MYO18B: variants seen among roughly 807,000 people sequenced by gnomAD.
MYO18B encodes unconventional myosin-XVIIIb.
A neutral mutation model predicts 273.0 loss-of-function variants in MYO18B; 204 were observed. That is an observed-to-expected ratio of 0.75 (90% confidence interval 0.67 to 0.84). MYO18B has a LOEUF of 0.84. MYO18B is among the 40% of genes least tolerant of loss of function. The pLI is 0.00. For missense variants in MYO18B, 3,212 were observed against 3,287.6 expected (o/e 0.98, Z 0.56); for synonymous variants, 1,330 against 1,305.7 (o/e 1.02, Z -0.40).
At chr22:25,867,755 G>C (rs980569183) in intron 21 of MYO18B, among the ~76,000 whole-genome samples, 1 of 151,902 alleles carries the variant, frequency 6.6e-6, no homozygotes, top group Non-Finnish European at 1.5e-5. Flanking sequence ...TCAGCCTCCC[G>C]AGTAGCTGGG....
At chr22:25,874,168 A>G in intron 22 of MYO18B, 118 bp from the exon 23 acceptor site, 1 of 1,269,386 alleles carries the variant, frequency 7.9e-7, no homozygotes, top group Non-Finnish European at 1.1e-6. Flanking sequence ...TTAAAGGGCA[A>G]CTGCCAACAA....
At chr22:26,013,545 C>T (rs947132952) in intron 42 of MYO18B, among the ~76,000 whole-genome samples, 5 of 152,176 alleles carry the variant, frequency 3.3e-5, no homozygotes, top group Non-Finnish European at 5.9e-5. Flanking sequence ...AGATTTCTGT[C>T]GGGCGTATAC....
chr22:25,998,872 C>T (rs891393082), intron 40 of MYO18B, among the ~76,000 whole-genome samples: 1 of 152,148 alleles, frequency 6.6e-6, no homozygotes, highest in African/African-American at 2.4e-5. Context: ...CCATATAACA[C>T]CTGTTTAAAT....
rs777030980 is a variant in MYO18B, at chr22:25,902,620, C to T, written c.4831C>T (p.Leu1611=). ...GTGCTCTGCTTTGCACAGGTTTGAC[C>T]TGCAGCTGGCCCAGGCCCTAGGTGA... ...ELEKKQKKFD[L]QLAQALGESV... is the part of the protein sequence containing the mutation. The change falls in exon 30 of 44, where the codon CTG becomes TTG. Residue 1611 remains leucine, a synonymous_variant. Transcript: ENST00000335473. 6.2e-7 allele frequency: 1 copy of T among 1,606,876 alleles called. No homozygotes were observed. The highest frequency in any genetic ancestry group is 1.1e-5 in the South Asian group (1 of 89,056).
intron 12 of MYO18B, among the ~76,000 whole-genome samples, chr22:25,809,998 T>TA (rs200815599): frequency 0.092 from 12,872 of 139,918 alleles, 1,033 homozygotes; most frequent in East Asian, 0.23. Context: ...ATAGAAAGTT[T>TA]AAAAAAAAAA....
At chr22:25,819,752 A>G (rs2089194203) in intron 12 of MYO18B, among the ~76,000 whole-genome samples, 2 of 152,138 alleles carry the variant, frequency 1.3e-5, no homozygotes, top group Non-Finnish European at 2.9e-5. Context: ...GGCAAAAAAG[A>G]TGATATTTGA....
At chr22:26,022,270 G>GA (rs11448415) in intron 42 of MYO18B, among the ~76,000 whole-genome samples, 55,561 of 138,008 alleles carry the variant, frequency 0.4, 11,302 homozygotes, top group Non-Finnish European at 0.45. Context: ...AGGACAGCTA[G>GA]AAAAAAAAAA....
chr22:25,776,374 G>A (rs1218156103), intron 7 of MYO18B, among the ~76,000 whole-genome samples: 3 of 152,204 alleles, frequency 2.0e-5, no homozygotes, highest in African/African-American at 7.2e-5. Context: ...GAGGCTGGCG[G>A]ATCACTTGAG....
intron 21 of MYO18B, among the ~76,000 whole-genome samples, chr22:25,863,523 GTGGGACCACTGATATCTC>G (rs112971177): frequency 0.047 from 7,182 of 152,260 alleles, 230 homozygotes; most frequent in African/African-American, 0.083. Context: ...TCCTCATGGT[GTGGGACCACTGATATCTC>G]TGCCCAATTT....
chr22:25,989,065 C>A (rs989447326), intron 39 of MYO18B, among the ~76,000 whole-genome samples: 1 of 152,176 alleles, frequency 6.6e-6, no homozygotes, highest in Admixed American at 6.5e-5. Flanking sequence ...TCTCCTCTAC[C>A]CTCCAGGAAG....
chr22:25,812,867 C>A (rs1053506382), intron 12 of MYO18B, among the ~76,000 whole-genome samples: 1 of 152,124 alleles, frequency 6.6e-6, no homozygotes, highest in Non-Finnish European at 1.5e-5. Context: ...CAGGGTCACC[C>A]AATGAGGCTA....
Position 25,955,364 on chromosome 22 carries a change from G to C in MYO18B, c.6156G>C (p.Leu2052=). 1.2e-6 allele frequency: 2 copies of C among 1,611,826 alleles called. No homozygotes were observed. The highest frequency in any genetic ancestry group is 1.7e-6 in the Non-Finnish European group (2 of 1,178,974). Residue 2052 remains leucine (L), a splice_region_variant and synonymous_variant, in exon 39 of 44, where the codon CTG becomes CTC. Coordinates refer to ENST00000335473, the MANE Select transcript of MYO18B (RefSeq NM_032608.7). ...EAEASRRCME[L]EKYVEELAAV... ...AGGCCAGCCGGCGGTGCATGGAGCT[G>C]GTGAGTCCTGTCCCCATCATGGGCT... is the stretch of plus-strand genomic sequence containing the variant.
chr22:25,949,131 G>A (rs189592485), intron 36 of MYO18B, among the ~76,000 whole-genome samples: 2 of 152,134 alleles, frequency 1.3e-5, no homozygotes, highest in Non-Finnish European at 2.9e-5. Flanking sequence ...CAATTGGCAA[G>A]CTTTTCAGGG....
chr22:25,946,214 C>T lies in MYO18B; in HGVS notation c.5595C>T (p.His1865=). 5.7e-6 allele frequency: 9 copies of T among 1,582,442 alleles called. No individual in the cohort carries two copies. The highest frequency in any genetic ancestry group is 1.7e-4 in the Middle Eastern group (1 of 6,038). The change falls in exon 35 of 44, where the codon CAC becomes CAT. Residue 1865 remains histidine (H), a synonymous_variant. Coordinates refer to ENST00000335473, the MANE Select transcript of MYO18B (RefSeq NM_032608.7). ...KVLTADLESM[H]SELENMTRNK... ...TCACAGCGGACCTGGAGAGCATGCA[C>T]AGCGAGCTGGAGAACATGACGCGGA...
At chr22:25,892,251 C>A (rs2091681258) in intron 27 of MYO18B, 2 of 152,200 alleles carry the variant, frequency 1.3e-5, no homozygotes, top group Admixed American at 1.3e-4. Context: ...ATGATGAGAT[C>A]ACAGTTCATC....
chr22:25,881,028 T>G (rs1209856688), intron 25 of MYO18B, among the ~76,000 whole-genome samples: 1 of 151,666 alleles, frequency 6.6e-6, no homozygotes. Flanking sequence ...CTTATAATGT[T>G]GTTTGGCTTG....
chr22:25,917,425 G>A (rs1175438843), intron 33 of MYO18B, among the ~76,000 whole-genome samples: 3 of 151,916 alleles, frequency 2.0e-5, no homozygotes, highest in Admixed American at 6.6e-5. Context: ...TCATTGCTTC[G>A]ATTCTTACTT....
At chr22:26,034,723 A>G (rs1475892471), downstream of MYO18B, among the ~76,000 whole-genome samples, 2 of 152,204 alleles carry the variant, frequency 1.3e-5, no homozygotes, top group African/African-American at 4.8e-5. Flanking sequence ...GCCATTTTTA[A>G]CAGGGCGCCC....
chr22:25,750,363 A>G lies in MYO18B; in HGVS notation c.-110+8070A>G, dbSNP rs567152092. ...TGGAAGATGGAAAGTGAGGGAGTCC[A>G]TTGGAAGAGTCCACAGGGTCAGCAG... On this transcript the variant is annotated intron_variant, in intron 1 of 43. Coordinates refer to ENST00000335473, the MANE Select transcript of MYO18B (RefSeq NM_032608.7). Among the ~76,000 whole-genome samples the G allele has an allele frequency of 3.9e-5, 6 of 152,354 alleles. No individual in the cohort carries two copies. The East Asian group carries it at 1.2e-3, about 29-fold the overall frequency.
Sources: gnomAD v4.1 joint callset for allele counts (sites outside exome capture counted in the v4.1 genomes callset) on GRCh38, gnomAD v4.1.1 for gene constraint, MANE v1.5 for transcripts, NCBI Gene and HGNC (gene_info 2026-07-23, HGNC 2026-07-21) for gene names.